SNTB1: variants seen among roughly 807,000 people sequenced by gnomAD.
SNTB1 encodes beta-1-syntrophin.
In SNTB1, 36 loss-of-function variants were observed where a neutral mutation model predicts 48.9. That is an observed-to-expected ratio of 0.74 (90% CI 0.56 to 0.97). The LOEUF (loss-of-function observed/expected upper bound fraction) is 0.97, where lower values mean the gene tolerates loss of function less well. SNTB1 is among the 50% of genes least tolerant of loss of function. The pLI, the probability that SNTB1 is intolerant of heterozygous loss-of-function variation, is 0.00. For missense variants in SNTB1, 786 were observed against 703.4 expected, an observed-to-expected ratio of 1.12 and a Z score of -1.33; for synonymous variants, 299 against 294.6, an observed-to-expected ratio of 1.01 and a Z score of -0.15.
intron 4 of SNTB1, among the ~76,000 whole-genome samples, chr8:120,557,731 T>A (rs556308111): frequency 6.6e-6 from 1 of 152,332 alleles, no homozygotes; most frequent in African/African-American, 2.4e-5. Flanking sequence ...GAGCCTGGTC[T>A]CCTCTCTCTT....
At chr8:120,562,993 G>C (rs1211802064) in intron 4 of SNTB1, among the ~76,000 whole-genome samples, 1 of 152,204 alleles carries the variant, frequency 6.6e-6, no homozygotes, top group Non-Finnish European at 1.5e-5. Context: ...CCATCTGGGA[G>C]TAGAGAAGTG....
chr8:120,543,318 TAA>T (rs937483671), intron 5 of SNTB1, among the ~76,000 whole-genome samples: 20 of 152,290 alleles, frequency 1.3e-4, no homozygotes, highest in Admixed American at 8.5e-4. Context: ...GATCTACATC[TAA>T]AAGTTATGTA....
intron 2 of SNTB1, among the ~76,000 whole-genome samples, chr8:120,679,598 G>A (rs1470295752): frequency 1.3e-5 from 2 of 152,202 alleles, no homozygotes; most frequent in African/African-American, 4.8e-5. Context: ...ATCTGTTTAA[G>A]TCTTTCAAAT....
At chr8:120,613,315 C>A (rs1816656179) in intron 3 of SNTB1, among the ~76,000 whole-genome samples, 1 of 150,196 alleles carries the variant, frequency 6.7e-6, no homozygotes, top group Non-Finnish European at 1.5e-5. Context: ...TGTGCCACTG[C>A]ACTTTAGCCT....
At chr8:120,659,989 G>A (rs903289870) in intron 2 of SNTB1, among the ~76,000 whole-genome samples, 1 of 152,188 alleles carries the variant, frequency 6.6e-6, no homozygotes, top group African/African-American at 2.4e-5. Context: ...GGTCTCAACA[G>A]TGGTCTTAAA....
chr8:120,648,718 T>C (rs1817348888), intron 2 of SNTB1, among the ~76,000 whole-genome samples: 1 of 152,104 alleles, frequency 6.6e-6, no homozygotes, highest in Admixed American at 6.5e-5. Flanking sequence ...TGGCCTGCCT[T>C]GCTAGATTAG....
intron 1 of SNTB1, among the ~76,000 whole-genome samples, chr8:120,704,579 G>T (rs1818352108): frequency 1.3e-5 from 2 of 152,140 alleles, no homozygotes; most frequent in Admixed American, 1.3e-4. Context: ...AGGGTAAAAA[G>T]AGGCTGGAAC....
Position 120,550,089 on chromosome 8 carries a change from G to A in SNTB1, c.1137-1131C>T, listed in dbSNP as rs78796479. Among the ~76,000 whole-genome samples, 345 of 152,276 alleles carry A rather than the reference G, an allele frequency of 2.3e-3. 11 individuals are homozygous for A. In the East Asian group the frequency reaches 0.064, roughly 28 times the overall value. ...GGAACAAAATTATCAGTAGAATAAAGCATATTATTACCTGTTGAATTTCTG... is the reference window on the plus strand; with the variant it reads ...GGAACAAAATTATCAGTAGAATAAAACATATTATTACCTGTTGAATTTCTG... On this transcript the variant is annotated intron_variant, in intron 4 of 6. Coordinates refer to ENST00000517992, the MANE Select transcript of SNTB1 (RefSeq NM_021021.4).
At chr8:120,789,985 C>T (rs562307627) in intron 1 of SNTB1, among the ~76,000 whole-genome samples, 4 of 151,922 alleles carry the variant, frequency 2.6e-5, no homozygotes, top group African/African-American at 9.6e-5. Flanking sequence ...TACAAAAATC[C>T]TCTACAAAAT....
At chr8:120,628,630 G>A (rs761963682) in intron 3 of SNTB1, among the ~76,000 whole-genome samples, 5 of 152,106 alleles carry the variant, frequency 3.3e-5, no homozygotes, top group African/African-American at 7.2e-5. Flanking sequence ...GGTGGCATGC[G>A]CCTGTAATTT....
intron 1 of SNTB1, among the ~76,000 whole-genome samples, chr8:120,732,706 CA>C (rs1818871975): frequency 6.6e-6 from 1 of 152,096 alleles, no homozygotes; most frequent in Non-Finnish European, 1.5e-5. Flanking sequence ...TTTAGCTGGG[CA>C]TGTTGGCGCA....
At chr8:120,652,504 G>A (rs1289411034) in intron 2 of SNTB1, among the ~76,000 whole-genome samples, 1 of 152,054 alleles carries the variant, frequency 6.6e-6, no homozygotes, top group Non-Finnish European at 1.5e-5. Flanking sequence ...CGAGAGGGAA[G>A]GACTTGGTCT....
At chr8:120,651,301 A>T (rs1817407374) in intron 2 of SNTB1, among the ~76,000 whole-genome samples, 1 of 152,234 alleles carries the variant, frequency 6.6e-6, no homozygotes, top group Non-Finnish European at 1.5e-5. Flanking sequence ...AAAATAAAAT[A>T]ACTTTAGGGA....
intron 3 of SNTB1, among the ~76,000 whole-genome samples, chr8:120,620,335 T>G (rs1267407993): frequency 6.6e-6 from 1 of 152,214 alleles, no homozygotes; most frequent in African/African-American, 2.4e-5. Flanking sequence ...TAGGTATTAA[T>G]ATCTTTTTTT....
At chr8:120,738,895 C>T (rs1818997004) in intron 1 of SNTB1, among the ~76,000 whole-genome samples, 1 of 152,158 alleles carries the variant, frequency 6.6e-6, no homozygotes, top group Non-Finnish European at 1.5e-5. Context: ...CTATTCTCTG[C>T]TCTGTTCCAA....
At chr8:120,641,657 A>G (rs938184124) in intron 2 of SNTB1, among the ~76,000 whole-genome samples, 7 of 152,222 alleles carry the variant, frequency 4.6e-5, no homozygotes, top group African/African-American at 7.2e-5. Context: ...AGTGTAACAT[A>G]CAGACGGAAA....
intron 1 of SNTB1, among the ~76,000 whole-genome samples, chr8:120,723,320 C>T (rs909812005): frequency 9.3e-4 from 142 of 152,030 alleles, no homozygotes; most frequent in Admixed American, 2.0e-3. Flanking sequence ...CATATTCATA[C>T]GTACATATAC....
At chr8:120,702,830 C>T (rs1818328019) in intron 1 of SNTB1, among the ~76,000 whole-genome samples, 1 of 152,212 alleles carries the variant, frequency 6.6e-6, no homozygotes, top group Non-Finnish European at 1.5e-5. Flanking sequence ...TGTCACCTGC[C>T]AACTATGTAA....
At chr8:120,592,940 C>T (rs1266448050) in intron 3 of SNTB1, among the ~76,000 whole-genome samples, 1 of 152,122 alleles carries the variant, frequency 6.6e-6, no homozygotes, top group East Asian at 1.9e-4. Context: ...CAGCAGATTC[C>T]TTTGCATATG....
Sources: allele counts gnomAD v4.1 joint callset (sites outside exome capture counted in the v4.1 genomes callset), GRCh38; gene constraint gnomAD v4.1.1; transcripts MANE v1.5; gene names NCBI Gene and HGNC (gene_info 2026-07-23, HGNC 2026-07-21).